The following INF2 variants were observed in gnomAD, a reference collection of about 807,000 sequenced individuals.
INF2 encodes inverted formin 2.
A neutral mutation model predicts 123.5 loss-of-function variants in INF2; 43 were observed. That is an observed-to-expected ratio of 0.35 (90% confidence interval 0.27 to 0.45). The LOEUF (loss-of-function observed/expected upper bound fraction) is 0.45. Among genes scored for constraint, INF2 ranks in the 20% least tolerant of loss-of-function variants. The probability of loss-of-function intolerance (pLI) is 1.00; values close to 1 mark genes in which losing one functional copy is unlikely to be tolerated. For synonymous variants in INF2, 851 were observed against 745.0 expected, an observed-to-expected ratio of 1.14 and a Z score of -2.32; for missense variants, 1,453 against 1,682.7, an observed-to-expected ratio of 0.86 and a Z score of 2.39.
rs559008165 is a variant in INF2 at position 104,683,823 on chromosome 14, C to A, written c.-104+2241C>A. ...AGGGCCTGCCCTGAGCCCTCTCCCC[C>A]TCTCCCCTTCTCTGCCGCCCCACCC... is the stretch of plus-strand genomic sequence containing the variant. On this transcript the variant is annotated intron_variant, in intron 1 of 2. Coordinates refer to the INF2 transcript ENST00000674723. Among the ~76,000 whole-genome samples the A allele has an allele frequency of 3.3e-5, 5 of 152,330 alleles. No homozygotes were observed. The South Asian group carries it at 8.3e-4, about 25-fold the overall frequency.
intron 5 of INF2, 52 bp from the exon 6 acceptor site, chr14:104,705,983 C>T (rs996401126): frequency 2.5e-6 from 4 of 1,587,140 alleles, no homozygotes; most frequent in African/African-American, 2.7e-5. Context: ...GCCCCGCCTG[C>T]GTGTTGGTGG....
At chr14:104,710,228 G>A in intron 13 of INF2, 40 bp downstream of exon 13, 1 of 1,451,848 alleles carries the variant, frequency 6.9e-7, no homozygotes. Flanking sequence ...AGGAGGGACA[G>A]GCCTCCGAAC....
chr14:104,682,112 G>A (rs1392679973), intron 1 of INF2, among the ~76,000 whole-genome samples: 1 of 152,226 alleles, frequency 6.6e-6, no homozygotes, highest in Non-Finnish European at 1.5e-5. Flanking sequence ...GCCAGTGTAT[G>A]TGGAGTCAGA....
chr14:104,706,321 TC>T, intron 6 of INF2, 145 bp downstream of exon 6: 1 of 890,982 alleles, frequency 1.1e-6, no homozygotes, highest in Non-Finnish European at 1.6e-6. Flanking sequence ...GGGGTGAGAC[TC>T]CAGGGAGCAG....
intron 1 of INF2, chr14:104,690,831 A>G (rs1888909182): frequency 6.6e-6 from 1 of 152,254 alleles, no homozygotes; most frequent in African/African-American, 2.4e-5. Context: ...TCAGACCCCG[A>G]GGGTGCCACC....
At chr14:104,703,516 G>C (rs1889630581) in intron 4 of INF2, 62 bp downstream of exon 4, 3 of 1,592,374 alleles carry the variant, frequency 1.9e-6, no homozygotes, top group Admixed American at 3.3e-5. Flanking sequence ...TGCATCCCAT[G>C]CTGCATCCAC....
upstream of INF2, chr14:104,689,528 G>GC: frequency 3.9e-5 from 4 of 103,430 alleles, no homozygotes; most frequent in African/African-American, 1.6e-4. Flanking sequence ...CCCAGGCCCC[G>GC]CCCCCGGCCC....
intron 1 of INF2, chr14:104,701,002 C>T (rs960735986): frequency 2.9e-5 from 11 of 375,764 alleles, no homozygotes; most frequent in African/African-American, 1.3e-4. Context: ...CCCGCTCCCC[C>T]GAGTCCTCCC....
chr14:104,716,303 A>G (rs746062682), intron 22 of INF2, among the ~76,000 whole-genome samples: 1 of 152,148 alleles, frequency 6.6e-6, no homozygotes, highest in Non-Finnish European at 1.5e-5. Flanking sequence ...GACCCCGGAG[A>G]AGCTTCTCCG....
chr14:104,700,910 G>T, intron 1 of INF2: 1 of 977,380 alleles, frequency 1.0e-6, no homozygotes. Flanking sequence ...CGGGGGAAGT[G>T]CCCTGGGGTG....
At position 104,709,377 on chromosome 14, in the gene INF2, G is replaced by A. The variant is rs1163140571; in HGVS notation, c.2046G>A (p.Lys682=). 1.2e-6 allele frequency: 2 copies of A among 1,612,188 alleles called. No homozygotes were observed. Among genetic ancestry groups the A allele is most frequent in the Non-Finnish European group, 1.7e-6 (2 of 1,179,138 alleles). ...LKQLLKLLPE[K]HEIENLRAFT... ...AACTCCTTAAGCTCCTTCCCGAGAA[G>A]CACGAGGTAAGAGGACCACCCCCAC... Residue 682 remains lysine, a synonymous_variant, in exon 11 of 23, where the codon AAG becomes AAA. Coordinates refer to ENST00000392634, the MANE Select transcript of INF2 (RefSeq NM_022489.4).
In INF2 at chr14:104,714,753, G is replaced by T. The variant is rs765090867; in HGVS notation, c.3591G>T (p.Ala1197=). ...TSLDKSFSED[A]VTDSSGSGTL... ...TGGACAAGTCCTTCTCCGAGGATGC[G>T]GTGACCGACTCCTCGGGGTCGGGCA... Residue 1197 remains alanine, a synonymous_variant, in exon 21 of 23, where the codon GCG becomes GCT. Coordinates refer to ENST00000392634, the MANE Select transcript of INF2 (RefSeq NM_022489.4). The T allele has an allele frequency of 4.4e-6, 7 of 1,600,956 alleles. No homozygotes were observed. The highest frequency in any genetic ancestry group is 2.2e-5 in the East Asian group (1 of 44,704).
In INF2 at chr14:104,696,852, C is replaced by T. The variant is rs187561559; in HGVS notation, c.-9-4505C>T. Among the ~76,000 whole-genome samples, 9 of 151,874 alleles carry T rather than the reference C, an allele frequency of 5.9e-5. No homozygotes were observed. In the East Asian group the frequency reaches 9.7e-4, roughly 16 times the overall value. ...TCCCTCCCTGCACCCCCACCACCAA[C>T]GCTGGCTCAGGGCCCAGAAGCACCC... is the stretch of plus-strand genomic sequence containing the variant. On this transcript the variant is annotated intron_variant, in intron 1 of 22. Transcript: ENST00000392634.
At chr14:104,697,400 A>G (rs1175014642) in intron 1 of INF2, among the ~76,000 whole-genome samples, 3 of 152,184 alleles carry the variant, frequency 2.0e-5, no homozygotes, top group Non-Finnish European at 2.9e-5. Flanking sequence ...AGGAGCCCCC[A>G]GCTACTCTCC....
In INF2 at chr14:104,708,470, C is replaced by T. The variant is rs549506051; in HGVS notation, c.1770C>T (p.Pro590=). 1.7e-4 allele frequency: 271 copies of T among 1,612,376 alleles called. No individual in the cohort carries two copies. The highest frequency in any genetic ancestry group is 2.2e-4 in the Non-Finnish European group (255 of 1,179,808). The change falls in exon 9 of 23, where the codon CCC becomes CCT. Residue 590 remains proline, a synonymous_variant. Coordinates refer to ENST00000392634, the MANE Select transcript of INF2 (RefSeq NM_022489.4). ...CTATGTGGGCGTCCCTGAGCAGCCC[C>T]GACGCCGAGGCTGTGGAGCCCGACT... ...HNSMWASLSS[P]DAEAVEPDFS...
At chr14:104,710,246 G>A (rs1156309166) in intron 13 of INF2, 58 bp downstream of exon 13, 2 of 1,336,316 alleles carry the variant, frequency 1.5e-6, no homozygotes, top group African/African-American at 1.4e-5. Context: ...AACCGGGGCG[G>A]GAGGGCTGCT....
In INF2 at chr14:104,701,385, C is replaced by T. The variant is rs563745513; in HGVS notation, c.20C>T (p.Ala7Val). ...GGCAAGATGTCGGTGAAGGAGGGCGCACAGCGCAAGTGGGCAGCGCTGAAG... is the reference window on the plus strand; with the variant it reads ...GGCAAGATGTCGGTGAAGGAGGGCGTACAGCGCAAGTGGGCAGCGCTGAAG... MSVKEGAQRKWAALKEK... is the reference protein window; with the variant it reads MSVKEGVQRKWAALKEK... The change falls in exon 2 of 23, where the codon GCA (alanine) becomes GTA (valine). Residue 7 changes from alanine (A) to valine (V), a missense_variant. Transcript: ENST00000392634. 6.3e-7 allele frequency: 1 copy of T among 1,587,892 alleles called. No individual in the cohort carries two copies. The highest frequency in any genetic ancestry group is 1.3e-5 in the African/African-American group (1 of 74,504).
chr14:104,715,307 A>G lies in INF2; in HGVS notation c.3718A>G (p.Asn1240Asp), dbSNP rs1416376008. The change falls in exon 22 of 23, where the codon AAT becomes GAT. Residue 1240 changes from asparagine to aspartate, a missense_variant. Asn to Asp is a conservative substitution (Grantham distance 23). This residue lies in a region of INF2 where 344 missense variants were observed against 333.1 expected (regional missense o/e 1.03). Coordinates refer to ENST00000392634, the MANE Select transcript of INF2 (RefSeq NM_022489.4). ...QEEVPPDSDD[N>D]KTKKLCVIQ ...AGAGGTTCCCCCTGATTCTGATGAT[A>G]ATAAAACAAAGAAACTGTGTGTGAT... is the stretch of plus-strand genomic sequence containing the variant. 5.0e-6 allele frequency: 8 copies of G among 1,613,636 alleles called. No homozygotes were observed. The highest frequency in any genetic ancestry group is 1.7e-4 in the Middle Eastern group (1 of 6,042).
At position 104,707,439 on chromosome 14, in the gene INF2, C is replaced by G; in HGVS notation, c.1172C>G (p.Ala391Gly). The G allele has an allele frequency of 6.4e-7, 1 of 1,569,860 alleles. No homozygotes were observed. The highest frequency in any genetic ancestry group is 8.6e-7 in the Non-Finnish European group (1 of 1,158,538). The change falls in exon 8 of 23, where the codon GCT becomes GGT. Residue 391 changes from alanine to glycine, a missense_variant. Physicochemically the swap from Ala to Gly is moderately conservative, Grantham distance 60 (BLOSUM62 0). Around this residue, in one of 8 missense-constraint regions of INF2, gnomAD observed 374 missense variants for 303.7 expected, o/e 1.23. Transcript: ENST00000392634. ...GTGGAGGGCCAGCAGCCAGCAGCAGCTGCTGCCTGCGAGCCCGTGGACCAC... is the reference window on the plus strand; with the variant it reads ...GTGGAGGGCCAGCAGCCAGCAGCAGGTGCTGCCTGCGAGCCCGTGGACCAC... ...PSVEGQQPAAAAACEPVDHAQ... is the reference protein window; with the variant it reads ...PSVEGQQPAAGAACEPVDHAQ...
Sources: gnomAD v4.1 joint callset for allele counts (sites outside exome capture counted in the v4.1 genomes callset) on GRCh38, gnomAD v4.1.1 for gene constraint, gnomAD v4.1.1 regional missense constraint, MANE v1.5 for transcripts, NCBI Gene and HGNC (gene_info 2026-07-23, HGNC 2026-07-21) for gene names.